AUTS2: variants seen among roughly 807,000 people sequenced by gnomAD.
AUTS2 encodes the protein activator of transcription and developmental regulator AUTS2, also known as autism susceptibility gene 2 protein.
A neutral mutation model predicts 112.4 loss-of-function variants in AUTS2; 17 were observed. The observed-to-expected ratio is 0.15, with a 90% CI of 0.10 to 0.23. The LOEUF (loss-of-function observed/expected upper bound fraction) is 0.23. Ranked by LOEUF, AUTS2 falls within the 10% of genes least tolerant of loss-of-function variation. AUTS2 has a pLI of 1.00. For missense variants in AUTS2, 1,510 were observed against 1,701.6 expected (o/e 0.89, Z 1.98); for synonymous variants, 751 against 702.7 (o/e 1.07, Z -1.09).
intron 2 of AUTS2, among the ~76,000 whole-genome samples, chr7:69,973,834 A>G (rs1797952452): frequency 6.6e-6 from 1 of 152,040 alleles, no homozygotes; most frequent in African/African-American, 2.4e-5. Context: ...AATTTTATTT[A>G]CTTATATTTT....
rs748794120 is a variant in AUTS2 at position 69,699,639 on chromosome 7, GT to G, written c.309+99699del. On this transcript the variant is annotated intron_variant, in intron 1 of 18. Transcript: ENST00000342771. ...TTACAAGTGATGCTGCAGTGATAAT[GT>G]TTTTTTTTTTTTTTTTTTTTTCCCG... 3.1e-3 allele frequency among the ~76,000 whole-genome samples: 348 copies of G among 111,502 alleles called. 1 individual carries two copies. The highest frequency in any genetic ancestry group is 3.3e-3 in the Non-Finnish European group (179 of 54,436). 73.1% of individuals were successfully genotyped at this position (111,502 alleles called of 152,430 possible).
intron 3 of AUTS2, among the ~76,000 whole-genome samples, chr7:70,132,200 G>T (rs1255305025): frequency 1.3e-5 from 2 of 149,106 alleles, no homozygotes; most frequent in African/African-American, 4.9e-5. Flanking sequence ...AGTACAGTAG[G>T]TTGGCACATG....
intron 5 of AUTS2, among the ~76,000 whole-genome samples, chr7:70,479,560 C>G (rs1052478096): frequency 2.0e-5 from 3 of 152,090 alleles, no homozygotes. Context: ...TTGAACAGCT[C>G]TTCTTCCACA....
intron 1 of AUTS2, among the ~76,000 whole-genome samples, chr7:69,792,248 G>C (rs59585486): frequency 6.8e-6 from 1 of 147,248 alleles, no homozygotes; most frequent in Non-Finnish European, 1.5e-5. Context: ...TTTTTGTTTT[G>C]TTTTTTTTTA....
intron 2 of AUTS2, among the ~76,000 whole-genome samples, chr7:70,081,322 G>C (rs1803295429): frequency 6.6e-6 from 1 of 150,860 alleles, no homozygotes; most frequent in South Asian, 2.1e-4. Context: ...AGTCCAGGAA[G>C]GGCGGATTAC....
In AUTS2 at chr7:70,764,758, C is replaced by T; in HGVS notation, c.1221C>T (p.Ser407=). The change falls in exon 8 of 19, where the codon AGC becomes AGT. Residue 407 remains serine (S), a synonymous_variant. Transcript: ENST00000342771. ...SSLSLNSLSS[S]RSSTPAKTQP... is the part of the protein sequence containing the mutation. ...TTTTTTCTTGTTCCGATAGCAGCAG[C>T]AGAAGCAGCACTCCAGCGAAGACTC... 1.4e-6 allele frequency: 1 copy of T among 734,998 alleles called. No homozygotes were observed. Among genetic ancestry groups the T allele is most frequent in the Non-Finnish European group, 2.5e-6 (1 of 400,818 alleles). 45.5% of individuals were successfully genotyped at this position (734,998 alleles called of 1,614,324 possible). A position where few individuals can be genotyped will look rare whatever the true frequency, so the allele number is the denominator to read the frequency against.
At chr7:70,290,508 G>A in intron 4 of AUTS2, 2 of 1,539,720 alleles carry the variant, frequency 1.3e-6, no homozygotes, top group South Asian at 1.2e-5. Context: ...AAGGATTCTA[G>A]TTCCGTTTGG....
chr7:70,528,666 A>G (rs117826349), intron 5 of AUTS2, among the ~76,000 whole-genome samples: 6,235 of 152,138 alleles, frequency 0.041, 211 homozygotes, highest in African/African-American at 0.093. Flanking sequence ...AGTCCCAGCT[A>G]CTTGGGAGGC....
At chr7:70,340,720 A>G (rs1791225437) in intron 4 of AUTS2, among the ~76,000 whole-genome samples, 1 of 152,250 alleles carries the variant, frequency 6.6e-6, no homozygotes, top group Non-Finnish European at 1.5e-5. Flanking sequence ...CTTGGGAATA[A>G]GGAACCTGAT....
chr7:69,908,180 T>G (rs993689679), intron 2 of AUTS2, among the ~76,000 whole-genome samples: 2 of 152,192 alleles, frequency 1.3e-5, no homozygotes, highest in African/African-American at 4.8e-5. Flanking sequence ...CTATCACTCT[T>G]TGCTCTTAGA....
At chr7:70,548,232 A>G (rs929402213) in intron 5 of AUTS2, among the ~76,000 whole-genome samples, 1 of 152,190 alleles carries the variant, frequency 6.6e-6, no homozygotes, top group African/African-American at 2.4e-5. Flanking sequence ...ATGAAATACT[A>G]TTAAAATCTT....
chr7:69,656,577 A>G (rs1795551411), intron 1 of AUTS2, among the ~76,000 whole-genome samples: 4 of 152,182 alleles, frequency 2.6e-5, no homozygotes, highest in Non-Finnish European at 5.9e-5. Flanking sequence ...ATCACCCAAC[A>G]TAGCATGGGA....
chr7:69,664,044 A>G (rs1321658495), intron 1 of AUTS2, among the ~76,000 whole-genome samples: 1 of 152,218 alleles, frequency 6.6e-6, no homozygotes, highest in Non-Finnish European at 1.5e-5. Context: ...TGTCAGTGAA[A>G]GGGCAGTATA....
At chr7:70,682,669 A>G (rs1808270098) in intron 5 of AUTS2, among the ~76,000 whole-genome samples, 1 of 152,220 alleles carries the variant, frequency 6.6e-6, no homozygotes, top group Non-Finnish European at 1.5e-5. Flanking sequence ...TCACTTACCT[A>G]TTATTGCTTT....
intron 2 of AUTS2, among the ~76,000 whole-genome samples, chr7:69,941,384 ACT>A (rs1268663828): frequency 6.6e-6 from 1 of 152,254 alleles, no homozygotes; most frequent in Middle Eastern, 3.4e-3. Flanking sequence ...CCTTGAGCTA[ACT>A]CTATTCACCT....
chr7:70,070,842 C>T (rs191057484), intron 2 of AUTS2, among the ~76,000 whole-genome samples: 34 of 147,988 alleles, frequency 2.3e-4, no homozygotes, highest in African/African-American at 8.0e-4. Flanking sequence ...CATGCCACTG[C>T]GCTCTAGCCC....
intron 1 of AUTS2, among the ~76,000 whole-genome samples, chr7:69,776,844 A>T (rs1788918820): frequency 6.6e-6 from 1 of 152,012 alleles, no homozygotes; most frequent in Non-Finnish European, 1.5e-5. Context: ...GTTGTTCTTT[A>T]AAAAAAATAT....
intron 1 of AUTS2, among the ~76,000 whole-genome samples, chr7:69,761,417 C>T (rs1311462217): frequency 2.6e-5 from 4 of 152,094 alleles, no homozygotes; most frequent in Non-Finnish European, 5.9e-5. Context: ...GGGACACCGA[C>T]GTCTGTTGTT....
At chr7:69,818,494 G>A (rs1190346635) in intron 1 of AUTS2, among the ~76,000 whole-genome samples, 1 of 152,174 alleles carries the variant, frequency 6.6e-6, no homozygotes, top group Non-Finnish European at 1.5e-5. Flanking sequence ...GGCAGTTCGG[G>A]TTTATTAAAT....
Sources: allele counts gnomAD v4.1 joint callset (sites outside exome capture counted in the v4.1 genomes callset), GRCh38; gene constraint gnomAD v4.1.1; transcripts MANE v1.5; gene names NCBI Gene and HGNC (gene_info 2026-07-23, HGNC 2026-07-21).